The following ZBTB20 variants were observed in gnomAD, a reference collection of about 807,000 sequenced individuals.
ZBTB20 encodes zinc finger and BTB domain containing 20.
ZBTB20 carries 9 observed loss-of-function variants against 56.9 expected under a neutral mutation model. The ratio of observed to expected loss-of-function variants is 0.16; its 90% CI spans 0.10 to 0.28. The LOEUF is 0.28. Ranked by LOEUF, ZBTB20 falls within the 10% of genes least tolerant of loss-of-function variation. ZBTB20 has a pLI of 1.00. For missense variants in ZBTB20, 655 were observed against 1,003.0 expected (o/e 0.65, Z 4.69); for synonymous variants, 417 against 420.7 (o/e 0.99, Z 0.11).
chr3:114,739,510 G>A (rs971747527), intron 5 of ZBTB20, among the ~76,000 whole-genome samples: 3 of 152,154 alleles, frequency 2.0e-5, no homozygotes, highest in Non-Finnish European at 4.4e-5. Context: ...TGGTCAACCT[G>A]TGCAAAACTT....
chr3:114,569,594 C>T (rs538548579), intron 6 of ZBTB20, among the ~76,000 whole-genome samples: 5 of 152,188 alleles, frequency 3.3e-5, no homozygotes, highest in African/African-American at 9.7e-5. Flanking sequence ...ATAAAGATGG[C>T]GGTCATTCCA....
At chr3:114,931,177 CA>C in intron 3 of ZBTB20, 1 of 197,556 alleles carries the variant, frequency 5.1e-6, no homozygotes, top group Non-Finnish European at 1.1e-5. Flanking sequence ...TGCAGGAGCA[CA>C]AGGTAGGCCA....
intron 2 of ZBTB20, among the ~76,000 whole-genome samples, chr3:115,033,685 A>C (rs1324488958): frequency 6.6e-6 from 1 of 151,664 alleles, no homozygotes; most frequent in Non-Finnish European, 1.5e-5. Context: ...ATTCAGCAAT[A>C]AAAAAGAATC....
intron 2 of ZBTB20, among the ~76,000 whole-genome samples, chr3:114,976,834 G>T (rs1202795767): frequency 6.6e-6 from 1 of 151,854 alleles, no homozygotes; most frequent in Non-Finnish European, 1.5e-5. Context: ...TCCTTAAATA[G>T]TGCCTAGCAA....
intron 6 of ZBTB20, among the ~76,000 whole-genome samples, chr3:114,624,360 A>T (rs2058521138): frequency 6.7e-6 from 1 of 148,532 alleles, no homozygotes; most frequent in African/African-American, 2.5e-5. Flanking sequence ...AAGAGAAACA[A>T]AAAAAAAAAA....
At chr3:114,382,811 A>G (rs1443248873) in intron 8 of ZBTB20, among the ~76,000 whole-genome samples, 2 of 152,180 alleles carry the variant, frequency 1.3e-5, no homozygotes, top group African/African-American at 4.8e-5. Context: ...GTGTTCACCT[A>G]TTCTTTTCTT....
chr3:115,085,465 G>T (rs999271474), intron 1 of ZBTB20, among the ~76,000 whole-genome samples: 10 of 151,874 alleles, frequency 6.6e-5, no homozygotes, highest in African/African-American at 2.4e-4. Context: ...TAAAGGAAAG[G>T]CCTCTTTTAA....
intron 4 of ZBTB20, among the ~76,000 whole-genome samples, chr3:114,856,384 A>T (rs1198742679): frequency 1.3e-5 from 2 of 152,162 alleles, no homozygotes; most frequent in Admixed American, 1.3e-4. Flanking sequence ...ATACCCCTTC[A>T]GTAAAAGAAG....
At chr3:115,066,958 C>T (rs1230282346) in intron 2 of ZBTB20, among the ~76,000 whole-genome samples, 1 of 151,904 alleles carries the variant, frequency 6.6e-6, no homozygotes, top group African/African-American at 2.4e-5. Context: ...AATATTTTAT[C>T]TTTATCTTTT....
chr3:114,418,017 T>C (rs1342536031), intron 7 of ZBTB20, among the ~76,000 whole-genome samples: 1 of 152,030 alleles, frequency 6.6e-6, no homozygotes, highest in East Asian at 1.9e-4. Flanking sequence ...CTTGGGTAAA[T>C]TCACTAACCC....
chr3:115,053,496 A>G (rs924476056), intron 2 of ZBTB20, among the ~76,000 whole-genome samples: 2 of 152,206 alleles, frequency 1.3e-5, no homozygotes, highest in African/African-American at 4.8e-5. Flanking sequence ...TGGTGAGTTC[A>G]CTAATCAGCA....
chr3:114,503,152 A>C (rs2044199917), intron 6 of ZBTB20, among the ~76,000 whole-genome samples: 1 of 152,206 alleles, frequency 6.6e-6, no homozygotes, highest in Non-Finnish European at 1.5e-5. Context: ...ATGAAAAACT[A>C]TCTTTCCTGG....
At chr3:114,787,450 TACACATATATAC>T (rs1379178457) in intron 5 of ZBTB20, among the ~76,000 whole-genome samples, 1 of 150,026 alleles carries the variant, frequency 6.7e-6, no homozygotes, top group Non-Finnish European at 1.5e-5. Flanking sequence ...CACATATATA[TACACATATATAC>T]ATATATATCC....
intron 1 of ZBTB20, among the ~76,000 whole-genome samples, chr3:115,074,546 C>T (rs2082526620): frequency 6.6e-6 from 1 of 152,168 alleles, no homozygotes; most frequent in African/African-American, 2.4e-5. Context: ...TGGTTTTCTG[C>T]TTCTGAAAAT....
intron 3 of ZBTB20, among the ~76,000 whole-genome samples, chr3:114,910,328 C>T (rs956528272): frequency 3.3e-5 from 5 of 151,648 alleles, no homozygotes; most frequent in African/African-American, 4.8e-5. Flanking sequence ...CACACACACA[C>T]ACATTACCAG....
intron 7 of ZBTB20, among the ~76,000 whole-genome samples, chr3:114,393,819 C>A (rs1056790137): frequency 3.3e-5 from 5 of 152,072 alleles, no homozygotes; most frequent in Admixed American, 6.5e-5. Context: ...CTCTTGGAAC[C>A]CAGCTGGCAA....
At chr3:114,484,340 ATT>A (rs1679203915) in intron 7 of ZBTB20, among the ~76,000 whole-genome samples, 1 of 152,182 alleles carries the variant, frequency 6.6e-6, no homozygotes, top group Non-Finnish European at 1.5e-5. Flanking sequence ...CCTACAGTAC[ATT>A]GTGTGCTCTG....
chr3:114,799,922 C>A (rs189198201), intron 5 of ZBTB20, among the ~76,000 whole-genome samples: 1 of 152,046 alleles, frequency 6.6e-6, no homozygotes, highest in East Asian at 1.9e-4. Flanking sequence ...CTACTGTCAA[C>A]ACACAAGAAC....
chr3:114,739,100 T>C (rs1029395165), intron 5 of ZBTB20, among the ~76,000 whole-genome samples: 2 of 152,134 alleles, frequency 1.3e-5, no homozygotes, highest in African/African-American at 4.8e-5. Context: ...TGGAAAGAAC[T>C]AATGCTGAGC....
Sources: gnomAD v4.1 joint callset for allele counts (sites outside exome capture counted in the v4.1 genomes callset) on GRCh38, gnomAD v4.1.1 for gene constraint, MANE v1.5 for transcripts, NCBI Gene and HGNC (gene_info 2026-07-23, HGNC 2026-07-21) for gene names.